GNAO1: variants seen among roughly 807,000 people sequenced by gnomAD.
GNAO1 encodes the protein guanine nucleotide-binding protein G(o) subunit alpha.
For synonymous variants in GNAO1, 164 were observed against 180.7 expected, an observed-to-expected ratio of 0.91 and a Z score of 0.74; for missense variants, 166 against 478.7, an observed-to-expected ratio of 0.35 and a Z score of 6.10.
In GNAO1 at chr16:56,333,694, A is replaced by C. The variant is rs9937314; in HGVS notation, c.465-1035A>C. Reference sequence around the variant, plus strand: ...TGTGGACATCCATGAGCTGGTCAGCATGCCCATCTCTCATGCAGTGGTAAC... The same window carrying C: ...TGTGGACATCCATGAGCTGGTCAGCCTGCCCATCTCTCATGCAGTGGTAAC... On this transcript the variant is annotated intron_variant, in intron 4 of 8. Transcript: ENST00000262493. 4.5e-3 allele frequency among the ~76,000 whole-genome samples: 692 copies of C among 152,350 alleles called. 6 individuals are homozygous for C. Among genetic ancestry groups the C allele is most frequent in the African/African-American group, 0.016 (650 of 41,592 alleles).
chr16:56,282,083 A>G (rs1331141049), intron 3 of GNAO1, among the ~76,000 whole-genome samples: 9 of 152,204 alleles, frequency 5.9e-5, no homozygotes, highest in African/African-American at 2.2e-4. Context: ...TCTCTCAACT[A>G]TAAACTCCTT....
chr16:56,310,814 G>T (rs1268340896), intron 3 of GNAO1, among the ~76,000 whole-genome samples: 1 of 152,042 alleles, frequency 6.6e-6, no homozygotes, highest in African/African-American at 2.4e-5. Context: ...TACTAGTCTG[G>T]GGCAGGTGTT....
intron 3 of GNAO1, among the ~76,000 whole-genome samples, chr16:56,295,330 T>C (rs957584805): frequency 2.0e-5 from 3 of 152,070 alleles, no homozygotes; most frequent in Non-Finnish European, 4.4e-5. Flanking sequence ...TTCTCGTCTG[T>C]TCTCTGAGCC....
At chr16:56,238,170 G>C (rs1396950275) in intron 2 of GNAO1, among the ~76,000 whole-genome samples, 1 of 136,490 alleles carries the variant, frequency 7.3e-6, no homozygotes, top group Non-Finnish European at 1.5e-5. Flanking sequence ...GCATCCTCCT[G>C]ATATCTAGCC....
chr16:56,212,741 C>G (rs1440999390), intron 2 of GNAO1, among the ~76,000 whole-genome samples: 1 of 152,156 alleles, frequency 6.6e-6, no homozygotes, highest in African/African-American at 2.4e-5. Flanking sequence ...GTGACAAGGT[C>G]GCTGTTGTGC....
intron 2 of GNAO1, among the ~76,000 whole-genome samples, chr16:56,256,303 C>T (rs2036845609): frequency 6.6e-6 from 1 of 152,190 alleles, no homozygotes; most frequent in African/African-American, 2.4e-5. Context: ...TCAGCCACTT[C>T]TTGGTCTGAC....
At chr16:56,290,132 G>T (rs55752378) in intron 3 of GNAO1, among the ~76,000 whole-genome samples, 3 of 152,088 alleles carry the variant, frequency 2.0e-5, no homozygotes, top group Admixed American at 1.3e-4. Context: ...CTCCATAGGG[G>T]ACTTCTCCAC....
At chr16:56,217,000 A>G (rs2036442269) in intron 2 of GNAO1, among the ~76,000 whole-genome samples, 1 of 152,346 alleles carries the variant, frequency 6.6e-6, no homozygotes, top group African/African-American at 2.4e-5. Flanking sequence ...TGCAGCTAAT[A>G]TTGCTGGGAG....
In GNAO1 at chr16:56,191,782, T is replaced by G. The variant is rs1384477995; in HGVS notation, c.-454T>G. On this transcript the variant is annotated 5_prime_UTR_variant, in exon 1 of 9. Transcript: ENST00000262493. This position sits in a 1 kb window ranked among gnomAD's most constrained non-coding sequence, Gnocchi z 4.7. ...CGCCGCCGCCTCCTCCACCTCCTCC[T>G]CCGCCGCCGCCGCCTCCTCCTCCTC... 4.1e-5 allele frequency: 9 copies of G among 217,136 alleles called. No homozygotes were observed. The East Asian group carries it at 9.0e-4, about 22-fold the overall frequency. 13.5% of individuals were successfully genotyped at this position (217,136 alleles called of 1,614,324 possible).
chr16:56,327,591 C>A (rs2037648429), intron 3 of GNAO1, among the ~76,000 whole-genome samples: 1 of 152,092 alleles, frequency 6.6e-6, no homozygotes, highest in Non-Finnish European at 1.5e-5. Flanking sequence ...CTGCAGGAGC[C>A]TTCTTATCTT....
rs144915997 is a variant in GNAO1, at chr16:56,272,178, G to A, written c.162-3753G>A. 5.8e-3 allele frequency among the ~76,000 whole-genome samples: 882 copies of A among 152,136 alleles called. 16 individuals carry two copies. Among genetic ancestry groups the A allele is most frequent in the African/African-American group, 0.02 (837 of 41,484 alleles). ...CAAAAAATTAGCCAGGCATGGTGGCGGGCGCCTGTAGTCCCAGCTACTTGG... is the reference window on the plus strand; with the variant it reads ...CAAAAAATTAGCCAGGCATGGTGGCAGGCGCCTGTAGTCCCAGCTACTTGG... On this transcript the variant is annotated intron_variant, in intron 2 of 8. Coordinates refer to ENST00000262493, the MANE Select transcript of GNAO1 (RefSeq NM_020988.3).
At chr16:56,260,487 G>A (rs1036174728) in intron 2 of GNAO1, among the ~76,000 whole-genome samples, 2 of 152,124 alleles carry the variant, frequency 1.3e-5, no homozygotes, top group East Asian at 3.9e-4. Flanking sequence ...CCATGATGAA[G>A]GCTGAGCATA....
chr16:56,259,771 C>T (rs2036886457), intron 2 of GNAO1, among the ~76,000 whole-genome samples: 1 of 152,184 alleles, frequency 6.6e-6, no homozygotes, highest in African/African-American at 2.4e-5. Context: ...GAGTTTATGA[C>T]TCAGGGCCAG....
At position 56,191,949 on chromosome 16, in the gene GNAO1, C is replaced by A; in HGVS notation, c.-287C>A. On this transcript the variant is annotated 5_prime_UTR_variant, in exon 1 of 9. Transcript: ENST00000262493. The surrounding 1 kb of genome is among the most constrained non-coding windows in gnomAD (Gnocchi z 4.7). ...GCCTGCAGTCCGCGCCTCCTCGGCC[C>A]GCGGGCGCCTCCTCCCTTGGCTCCG... 1 of 489,944 alleles carries A rather than the reference C, an allele frequency of 2.0e-6. No homozygotes were observed. The highest frequency in any genetic ancestry group is 2.9e-5 in the South Asian group (1 of 34,704). 30.3% of individuals were successfully genotyped at this position (489,944 alleles called of 1,614,324 possible). A position where few individuals can be genotyped will look rare whatever the true frequency, so the allele number is the denominator to read the frequency against.
chr16:56,191,524 G>A lies in GNAO1; in HGVS notation c.-712G>A, dbSNP rs2036171456. ...CTCCCTCGAGCTCCCGGCTGGCTGCGGCTCCCTGGCGCTCTCCCTCTCTCT... is the reference window on the plus strand; with the variant it reads ...CTCCCTCGAGCTCCCGGCTGGCTGCAGCTCCCTGGCGCTCTCCCTCTCTCT... On this transcript the variant is annotated 5_prime_UTR_variant, in exon 1 of 9. Coordinates refer to ENST00000262493, the MANE Select transcript of GNAO1 (RefSeq NM_020988.3). This position sits in a 1 kb window ranked among gnomAD's most constrained non-coding sequence, Gnocchi z 4.7. 1 of 151,326 alleles carries A rather than the reference G, an allele frequency of 6.6e-6. No individual in the cohort carries two copies. Among genetic ancestry groups the A allele is most frequent in the Non-Finnish European group, 1.5e-5 (1 of 67,890 alleles). The allele number at this position is 151,326 out of a possible 1,614,324, so 9.4% of individuals were successfully genotyped here. A position where few individuals can be genotyped will look rare whatever the true frequency, so the allele number is the denominator to read the frequency against.
At chr16:56,283,327 AAAG>A (rs1289371579) in intron 3 of GNAO1, among the ~76,000 whole-genome samples, 2 of 152,150 alleles carry the variant, frequency 1.3e-5, no homozygotes, top group African/African-American at 4.8e-5. Flanking sequence ...AAGCAGGAGG[AAAG>A]ATGGGTGCCA....
At chr16:56,353,467 C>T (rs10163446) in intron 7 of GNAO1, 9,331 of 152,400 alleles carry the variant, frequency 0.061, 408 homozygotes, top group East Asian at 0.13. Context: ...AGTGCAGTGG[C>T]CCCATGGAGT....
intron 3 of GNAO1, among the ~76,000 whole-genome samples, chr16:56,279,902 C>T (rs1018213445): frequency 6.6e-6 from 1 of 152,224 alleles, no homozygotes; most frequent in Non-Finnish European, 1.5e-5. Context: ...AGGCGTATGT[C>T]GTTTATCTTT....
intron 3 of GNAO1, among the ~76,000 whole-genome samples, chr16:56,317,602 A>T (rs974774716): frequency 2.0e-5 from 3 of 151,976 alleles, no homozygotes; most frequent in Admixed American, 6.6e-5. Flanking sequence ...GTTGGAAGGG[A>T]TGTGAGTGGA....
Sources: allele counts gnomAD v4.1 joint callset (sites outside exome capture counted in the v4.1 genomes callset), GRCh38; gene constraint gnomAD v4.1.1; non-coding constraint Gnocchi (gnomAD v3.1); transcripts MANE v1.5; gene names NCBI Gene and HGNC (gene_info 2026-07-23, HGNC 2026-07-21).